SYT1: variants seen among roughly 807,000 people sequenced by gnomAD.
The protein encoded by SYT1 is synaptotagmin-1.
A neutral mutation model predicts 44.8 loss-of-function variants in SYT1; 8 were observed. The ratio of observed to expected loss-of-function variants is 0.18; its 90% confidence interval spans 0.10 to 0.32. The LOEUF (loss-of-function observed/expected upper bound fraction) is 0.32. SYT1 is among the 10% of genes least tolerant of loss of function. The pLI is 1.00. For missense variants in SYT1, 286 were observed against 509.3 expected, an observed-to-expected ratio of 0.56 and a Z score of 4.22; for synonymous variants, 154 against 188.8, an observed-to-expected ratio of 0.82 and a Z score of 1.51.
At chr12:79,129,873 C>A (rs1868693584) in intron 3 of SYT1, among the ~76,000 whole-genome samples, 4 of 151,934 alleles carry the variant, frequency 2.6e-5, no homozygotes, top group Admixed American at 2.6e-4. Context: ...AAAGTTGTAA[C>A]AAAGATGATT....
chr12:79,400,329 T>C (rs562201422), intron 9 of SYT1, among the ~76,000 whole-genome samples: 1 of 152,280 alleles, frequency 6.6e-6, no homozygotes, highest in East Asian at 1.9e-4. Context: ...AAAAATGAGA[T>C]GATATGCACA....
chr12:79,147,583 C>A (rs1281437288), intron 3 of SYT1, among the ~76,000 whole-genome samples: 1 of 152,156 alleles, frequency 6.6e-6, no homozygotes, highest in Non-Finnish European at 1.5e-5. Flanking sequence ...ACAGTATTAA[C>A]AGATCTTAAA....
intron 3 of SYT1, among the ~76,000 whole-genome samples, chr12:79,214,372 T>G (rs1364932003): frequency 6.6e-6 from 1 of 152,194 alleles, no homozygotes; most frequent in Non-Finnish European, 1.5e-5. Flanking sequence ...TTTATGTCTA[T>G]AGAGGATTGG....
intron 1 of SYT1, among the ~76,000 whole-genome samples, chr12:78,912,460 T>C (rs1032471984): frequency 6.6e-5 from 10 of 151,992 alleles, no homozygotes; most frequent in East Asian, 1.9e-4. Flanking sequence ...TAAAGCAGCA[T>C]TGAAAAAAAT....
intron 3 of SYT1, among the ~76,000 whole-genome samples, chr12:79,183,301 T>A (rs1345221465): frequency 6.6e-6 from 1 of 151,958 alleles, no homozygotes; most frequent in Non-Finnish European, 1.5e-5. Flanking sequence ...GTGAACACAG[T>A]AAGTTGCGCA....
rs1257940031 is a variant in SYT1 at position 79,449,920 on chromosome 12, T to C, written c.*796T>C. The C allele has an allele frequency of 1.1e-5, 1 of 94,742 alleles. No individual in the cohort carries two copies. The highest frequency in any genetic ancestry group is 4.5e-5 in the African/African-American group (1 of 22,024). 5.9% of individuals were successfully genotyped at this position (94,742 alleles called of 1,614,324 possible). ...CTGCATATAGAATAACAACAAGGTG[T>C]TCCGTGTGTGTGTGTGTGTGTGTGT... On this transcript the variant is annotated 3_prime_UTR_variant, in exon 11 of 11. Transcript: ENST00000261205.
At chr12:79,429,685 C>T (rs1450321964) in intron 9 of SYT1, among the ~76,000 whole-genome samples, 7 of 152,236 alleles carry the variant, frequency 4.6e-5, no homozygotes, top group East Asian at 3.9e-4. Flanking sequence ...CCCACCACCA[C>T]GCCCTGCTAA....
intron 9 of SYT1, among the ~76,000 whole-genome samples, chr12:79,410,506 C>CAAAAAAAAAAAAAAAAAAAAAAAAAAAGA (rs5799432): frequency 1.7e-4 from 13 of 75,914 alleles, no homozygotes; most frequent in South Asian, 5.1e-4. Flanking sequence ...TGTTCAAAGT[C>CAAAAAAAAAAAAAAAAAAAAAAAAAAAGA]AAAAAAAAAA....
At chr12:79,230,464 TTATG>T (rs757173620) in intron 4 of SYT1, among the ~76,000 whole-genome samples, 1 of 152,126 alleles carries the variant, frequency 6.6e-6, no homozygotes, top group South Asian at 2.1e-4. Flanking sequence ...AATTTTAAAA[TTATG>T]TAGGTAGGTA....
chr12:78,910,818 G>A (rs1876277693), intron 1 of SYT1, among the ~76,000 whole-genome samples: 1 of 151,972 alleles, frequency 6.6e-6, no homozygotes, highest in Non-Finnish European at 1.5e-5. Context: ...CATGTGAGCT[G>A]ACACCAGAAG....
At chr12:79,363,104 A>G (rs1555220995) in intron 9 of SYT1, among the ~76,000 whole-genome samples, 3 of 152,208 alleles carry the variant, frequency 2.0e-5, no homozygotes, top group East Asian at 3.9e-4. Context: ...GGCCACTTCT[A>G]TTCCCTTCTC....
At chr12:79,226,229 A>G (rs1407406669) in intron 4 of SYT1, among the ~76,000 whole-genome samples, 1 of 152,200 alleles carries the variant, frequency 6.6e-6, no homozygotes, top group African/African-American at 2.4e-5. Context: ...TGACTGTGTC[A>G]TAAACGTTGA....
At position 79,172,995 on chromosome 12, in the gene SYT1, AAAAAAAAAAAAG is replaced by A. The variant is rs1465618396; in HGVS notation, c.-17-44507_-17-44496del. Reference sequence around the variant, plus strand: ...AAAAAAAAAAAAAAAAAAAAAAAAAAAAAAAAAAAAAGGGAGTTTGGCCTGTCCAGAAATAAA... The same window carrying A: ...AAAAAAAAAAAAAAAAAAAAAAAAAAGGAGTTTGGCCTGTCCAGAAATAAA... On this transcript the variant is annotated intron_variant, in intron 3 of 10. Transcript: ENST00000261205. Among the ~76,000 whole-genome samples, 514 of 140,730 alleles carry A rather than the reference AAAAAAAAAAAAG, an allele frequency of 3.7e-3. 11 individuals carry two copies. The highest frequency in any genetic ancestry group is 0.012 in the African/African-American group (412 of 35,590). 92.3% of individuals were successfully genotyped at this position (140,730 alleles called of 152,430 possible). A position where few individuals can be genotyped will look rare whatever the true frequency, so the allele number is the denominator to read the frequency against.
At position 79,026,667 on chromosome 12, in the gene SYT1, T is replaced by TTTATATATA. The variant is rs1298013189; in HGVS notation, c.-83-20629_-83-20628insTATATATAT. 2.7e-3 allele frequency among the ~76,000 whole-genome samples: 272 copies of TTTATATATA among 102,244 alleles called. 1 individual carries two copies. The highest frequency in any genetic ancestry group is 6.8e-3 in the South Asian group (20 of 2,944). 67.1% of individuals were successfully genotyped at this position (102,244 alleles called of 152,430 possible). A position where few individuals can be genotyped will look rare whatever the true frequency, so the allele number is the denominator to read the frequency against. ...TTGTGTGTGTATATACATATATATT[T>TTTATATATA]TATATATATATATATATATATATAT... On this transcript the variant is annotated intron_variant, in intron 2 of 10. Coordinates refer to ENST00000261205, the MANE Select transcript of SYT1 (RefSeq NM_005639.3).
At chr12:78,956,979 T>A (rs75781519) in intron 1 of SYT1, among the ~76,000 whole-genome samples, 2 of 152,172 alleles carry the variant, frequency 1.3e-5, no homozygotes, top group Admixed American at 6.6e-5. Context: ...GAATATGGAC[T>A]ATATCCTTTG....
chr12:79,005,608 G>A (rs937767399), intron 2 of SYT1, among the ~76,000 whole-genome samples: 3 of 151,988 alleles, frequency 2.0e-5, no homozygotes, highest in African/African-American at 7.2e-5. Context: ...ATATATAATA[G>A]CATTATTAGT....
At chr12:79,357,851 A>G (rs1883172325) in intron 9 of SYT1, among the ~76,000 whole-genome samples, 2 of 152,206 alleles carry the variant, frequency 1.3e-5, no homozygotes, top group African/African-American at 4.8e-5. Context: ...TCTTCCTTCA[A>G]ATAAGAAATG....
At chr12:78,956,932 C>T (rs1879246329) in intron 1 of SYT1, among the ~76,000 whole-genome samples, 1 of 151,976 alleles carries the variant, frequency 6.6e-6, no homozygotes, top group Non-Finnish European at 1.5e-5. Context: ...GACAGGAGCC[C>T]CACATCAGTG....
At chr12:78,963,451 T>C (rs1414033129) in intron 1 of SYT1, among the ~76,000 whole-genome samples, 1 of 151,978 alleles carries the variant, frequency 6.6e-6, no homozygotes, top group Non-Finnish European at 1.5e-5. Flanking sequence ...TAGGAACTCC[T>C]ACAAATCAAT....
Sources: allele counts gnomAD v4.1 joint callset (sites outside exome capture counted in the v4.1 genomes callset), GRCh38; gene constraint gnomAD v4.1.1; transcripts MANE v1.5; gene names NCBI Gene and HGNC (gene_info 2026-07-23, HGNC 2026-07-21).